Variants in DLG2 observed in about 807,000 individuals in gnomAD.
DLG2 encodes disks large homolog 2.
DLG2 carries 45 observed loss-of-function variants against 132.5 expected under a neutral mutation model. That is an observed-to-expected ratio of 0.34 (90% CI 0.27 to 0.44). The LOEUF is 0.44. Among genes scored for constraint, DLG2 ranks in the 20% least tolerant of loss-of-function variants. The probability of loss-of-function intolerance (pLI) is 1.00; values close to 1 mark genes in which losing one functional copy is unlikely to be tolerated. For missense variants in DLG2, 1,045 were observed against 1,196.9 expected (o/e 0.87, Z 1.87); for synonymous variants, 424 against 419.6 (o/e 1.01, Z -0.13).
intron 6 of DLG2, among the ~76,000 whole-genome samples, chr11:84,780,649 T>C (rs974377563): frequency 1.3e-5 from 2 of 152,132 alleles, no homozygotes; most frequent in African/African-American, 4.8e-5. Context: ...ATTGTTGTTG[T>C]TGTATCATTC....
intron 15 of DLG2, among the ~76,000 whole-genome samples, chr11:83,913,914 A>C (rs2154114246): frequency 6.6e-6 from 1 of 152,290 alleles, no homozygotes; most frequent in Admixed American, 6.5e-5. Flanking sequence ...TGGATAATGA[A>C]TTGCAGGTGC....
chr11:83,516,119 G>A (rs535965309), intron 21 of DLG2, among the ~76,000 whole-genome samples: 1 of 152,210 alleles, frequency 6.6e-6, no homozygotes, highest in African/African-American at 2.4e-5. Flanking sequence ...AATGTTGTCA[G>A]TGGAGTGTTA....
intron 7 of DLG2, among the ~76,000 whole-genome samples, chr11:84,423,083 A>G (rs1193892500): frequency 1.3e-5 from 2 of 152,148 alleles, no homozygotes; most frequent in African/African-American, 4.8e-5. Flanking sequence ...TGGCAAGGTC[A>G]AATGGGGAAG....
At chr11:84,780,349 T>TA (rs891684357) in intron 6 of DLG2, among the ~76,000 whole-genome samples, 9 of 151,816 alleles carry the variant, frequency 5.9e-5, no homozygotes, top group African/African-American at 1.7e-4. Context: ...ATAAAAAAAT[T>TA]AAAAAACTAT....
At chr11:85,212,251 C>A (rs1181322434) in intron 4 of DLG2, among the ~76,000 whole-genome samples, 1 of 152,004 alleles carries the variant, frequency 6.6e-6, no homozygotes, top group African/African-American at 2.4e-5. Context: ...GATGTTGACA[C>A]CCCGAATCGA....
At chr11:85,344,448 G>A (rs928214995) in intron 3 of DLG2, among the ~76,000 whole-genome samples, 4 of 152,032 alleles carry the variant, frequency 2.6e-5, no homozygotes, top group African/African-American at 4.8e-5. Context: ...ATAAAGATAC[G>A]TGAAATTCAT....
chr11:84,663,072 C>T lies in DLG2; in HGVS notation c.358-128341G>A, dbSNP rs556029978. Reference sequence around the variant, plus strand: ...TTCCTCTGTTTATTACCGGAAAATACATTTTCCTTAGTATGTCCTTCTCCC... The same window carrying T: ...TTCCTCTGTTTATTACCGGAAAATATATTTTCCTTAGTATGTCCTTCTCCC... On this transcript the variant is annotated intron_variant, in intron 6 of 27. Transcript: ENST00000376104. Among the ~76,000 whole-genome samples the T allele has an allele frequency of 2.0e-5, 3 of 152,108 alleles. No individual in the cohort carries two copies. In the East Asian group the frequency reaches 5.8e-4, roughly 29 times the overall value.
intron 7 of DLG2, among the ~76,000 whole-genome samples, chr11:84,406,248 C>T (rs1367536): frequency 0.39 from 59,507 of 152,048 alleles, 16,323 homozygotes; most frequent in African/African-American, 0.78. Flanking sequence ...TCTCTGTCTG[C>T]CCTTGCCCTG....
chr11:84,842,139 G>A (rs1049608133), intron 6 of DLG2, among the ~76,000 whole-genome samples: 3 of 151,864 alleles, frequency 2.0e-5, no homozygotes, highest in Non-Finnish European at 4.4e-5. Flanking sequence ...CCCAGTCTCA[G>A]AATCATGAGA....
At chr11:83,874,105 T>C (rs917194925) in intron 16 of DLG2, among the ~76,000 whole-genome samples, 9 of 150,294 alleles carry the variant, frequency 6.0e-5, no homozygotes, top group African/African-American at 2.2e-4. Context: ...AGAGAGTGTG[T>C]GCGTGTGAGA....
intron 6 of DLG2, among the ~76,000 whole-genome samples, chr11:84,658,134 CT>C (rs1033907135): frequency 1.6e-4 from 25 of 152,194 alleles, no homozygotes; most frequent in African/African-American, 5.8e-4. Context: ...TTCCTTCTTA[CT>C]TTCTATAGGA....
chr11:85,524,352 C>T (rs1565633018), intron 3 of DLG2, among the ~76,000 whole-genome samples: 2 of 151,804 alleles, frequency 1.3e-5, no homozygotes, highest in African/African-American at 2.4e-5. Flanking sequence ...AAATATCTCA[C>T]ATATGCCATA....
At chr11:84,861,698 A>C (rs372574229) in intron 6 of DLG2, among the ~76,000 whole-genome samples, 6 of 150,238 alleles carry the variant, frequency 4.0e-5, no homozygotes, top group African/African-American at 1.5e-4. Context: ...AAAATTCTGC[A>C]ATCAATCCAT....
At position 84,159,988 on chromosome 11, in the gene DLG2, T is replaced by C. The variant is rs545397332; in HGVS notation, c.624+3473A>G. Among the ~76,000 whole-genome samples the C allele has an allele frequency of 9.9e-5, 15 of 152,282 alleles. No homozygotes were observed. The South Asian group carries it at 2.9e-3, about 29-fold the overall frequency. ...ACCAATTAGTCAATATGAAGAATAT[T>C]AGGGCAGCAGTTACTTTGGCCCTGA... On this transcript the variant is annotated intron_variant, in intron 9 of 27. Coordinates refer to ENST00000376104, the MANE Select transcript of DLG2 (RefSeq NM_001142699.3).
intron 6 of DLG2, among the ~76,000 whole-genome samples, chr11:84,571,844 G>A (rs948700628): frequency 6.6e-5 from 10 of 152,074 alleles, no homozygotes; most frequent in Non-Finnish European, 1.2e-4. Context: ...CCACAGCTGA[G>A]TTTTTAAAAT....
intron 3 of DLG2, among the ~76,000 whole-genome samples, chr11:85,476,070 C>G (rs2093132482): frequency 6.6e-6 from 1 of 152,078 alleles, no homozygotes; most frequent in Non-Finnish European, 1.5e-5. Flanking sequence ...ATAGAGTGTA[C>G]TTACACAAAC....
intron 6 of DLG2, among the ~76,000 whole-genome samples, chr11:84,535,480 A>G (rs2099353171): frequency 6.6e-6 from 1 of 152,152 alleles, no homozygotes; most frequent in Non-Finnish European, 1.5e-5. Context: ...TTTCTTAACC[A>G]TCTTGCTTAC....
At chr11:85,585,715 G>GTTT (rs200477698) in intron 3 of DLG2, among the ~76,000 whole-genome samples, 10 of 144,290 alleles carry the variant, frequency 6.9e-5, no homozygotes, top group Admixed American at 2.1e-4. Context: ...ATATATCACA[G>GTTT]TTTTTTTTTT....
In DLG2 at chr11:85,472,875, CCTT is replaced by C. The variant is rs1216140775; in HGVS notation, c.40+125779_40+125781del. ...TAACACAAACTAACTGAAACCCACT[CCTT>C]CTGCCAATTCACTGTGCTGCTGGAA... On this transcript the variant is annotated intron_variant, in intron 3 of 27. Transcript: ENST00000376104. Among the ~76,000 whole-genome samples, 14 of 152,328 alleles carry C rather than the reference CCTT, an allele frequency of 9.2e-5. No homozygotes were observed. In the South Asian group the frequency reaches 2.9e-3, roughly 32 times the overall value.
Sources: allele counts gnomAD v4.1 joint callset (sites outside exome capture counted in the v4.1 genomes callset), GRCh38; gene constraint gnomAD v4.1.1; transcripts MANE v1.5; gene names NCBI Gene and HGNC (gene_info 2026-07-23, HGNC 2026-07-21).